DNER: variants seen among roughly 807,000 people sequenced by gnomAD.
DNER encodes the protein delta/notch like EGF repeat containing.
DNER carries 33 observed loss-of-function variants against 78.2 expected under a neutral mutation model. The ratio of observed to expected loss-of-function variants is 0.42; its 90% CI spans 0.32 to 0.56. The LOEUF (loss-of-function observed/expected upper bound fraction) is 0.56, where lower values mean the gene tolerates loss of function less well. DNER is among the 20% of genes least tolerant of loss of function. DNER has a pLI of 0.11. For missense variants in DNER, 918 were observed against 975.3 expected, an observed-to-expected ratio of 0.94 and a Z score of 0.78; for synonymous variants, 417 against 384.8, an observed-to-expected ratio of 1.08 and a Z score of -0.98.
chr2:229,656,366 G>A (rs1486178177), intron 1 of DNER, among the ~76,000 whole-genome samples: 2 of 152,088 alleles, frequency 1.3e-5, no homozygotes, highest in African/African-American at 4.8e-5. Context: ...CTCTAAAAAG[G>A]TGAGCAGCAA....
At chr2:229,650,525 C>G (rs1402848497) in intron 1 of DNER, among the ~76,000 whole-genome samples, 1 of 152,194 alleles carries the variant, frequency 6.6e-6, no homozygotes, top group Non-Finnish European at 1.5e-5. Context: ...CTTGAGAGAA[C>G]ACCGGACTTC....
At chr2:229,605,720 T>G (rs1032463241) in intron 1 of DNER, among the ~76,000 whole-genome samples, 1 of 94,954 alleles carries the variant, frequency 1.1e-5, no homozygotes, top group Non-Finnish European at 2.3e-5. Context: ...AAACCCCATC[T>G]CTACAAAAAA....
intron 5 of DNER, among the ~76,000 whole-genome samples, chr2:229,521,355 G>A (rs901427205): frequency 3.0e-4 from 45 of 152,184 alleles, no homozygotes; most frequent in Non-Finnish European, 6.0e-4. Context: ...AGCGAGAACT[G>A]ACCATCACCC....
At chr2:229,647,948 T>C (rs1190947501) in intron 1 of DNER, among the ~76,000 whole-genome samples, 1 of 152,230 alleles carries the variant, frequency 6.6e-6, no homozygotes, top group East Asian at 1.9e-4. Flanking sequence ...TTTTTATTTC[T>C]CTAAAGGTTC....
rs397868353 is a variant in DNER at position 229,707,180 on chromosome 2, A to ATT, written c.276+6966_276+6967dup. On this transcript the variant is annotated intron_variant, in intron 1 of 12. Transcript: ENST00000341772. Reference sequence around the variant, plus strand: ...AGGCATGTGCCACCACGGCTGGCTAATTTTTTTTTTTTTTTTTTTTTTTTT... The same window carrying ATT: ...AGGCATGTGCCACCACGGCTGGCTAATTTTTTTTTTTTTTTTTTTTTTTTTTT... Among the ~76,000 whole-genome samples, 231 of 94,604 alleles carry ATT rather than the reference A, an allele frequency of 2.4e-3. 8 individuals carry two copies. Among genetic ancestry groups the ATT allele is most frequent in the African/African-American group, 6.0e-3 (138 of 23,000 alleles). 62.1% of individuals were successfully genotyped at this position (94,604 alleles called of 152,430 possible). A position where few individuals can be genotyped will look rare whatever the true frequency, so the allele number is the denominator to read the frequency against.
In DNER at chr2:229,420,207, C is replaced by G. The variant is rs139776497; in HGVS notation, c.1487-1977G>C. On this transcript the variant is annotated intron_variant, in intron 8 of 12. Transcript: ENST00000341772. ...GAGGACTGAGTGGTTGCAACAGAGA[C>G]CATATGGCCTGCAAAGCCTAAATAT... is the stretch of plus-strand genomic sequence containing the variant. Among the ~76,000 whole-genome samples the G allele has an allele frequency of 7.5e-3, 1,140 of 152,116 alleles. 5 individuals carry two copies. The highest frequency in any genetic ancestry group is 0.011 in the Non-Finnish European group (773 of 67,996).
At chr2:229,418,887 C>T (rs1328415549) in intron 8 of DNER, among the ~76,000 whole-genome samples, 1 of 150,808 alleles carries the variant, frequency 6.6e-6, no homozygotes. Flanking sequence ...TACCACTGCA[C>T]TCCAGCCTGG....
At chr2:229,677,914 C>T (rs1355678981) in intron 1 of DNER, among the ~76,000 whole-genome samples, 1 of 152,158 alleles carries the variant, frequency 6.6e-6, no homozygotes, top group Non-Finnish European at 1.5e-5. Context: ...GACTTACTCT[C>T]ATGTTCTGTC....
intron 9 of DNER, among the ~76,000 whole-genome samples, chr2:229,412,233 A>T (rs1471105037): frequency 6.6e-6 from 1 of 152,240 alleles, no homozygotes; most frequent in African/African-American, 2.4e-5. Flanking sequence ...TTGTCTGAAG[A>T]CGGGTTACAC....
intron 5 of DNER, among the ~76,000 whole-genome samples, chr2:229,521,637 C>G (rs961720530): frequency 6.6e-6 from 1 of 152,188 alleles, no homozygotes; most frequent in Admixed American, 6.5e-5. Context: ...AGAGTTTAAC[C>G]TCCTACTAAA....
In DNER at chr2:229,458,135, CAAAAAAA is replaced by C. The variant is rs61340733; in HGVS notation, c.1262-10602_1262-10596del. Among the ~76,000 whole-genome samples the C allele has an allele frequency of 1.5e-3, 27 of 17,716 alleles. No homozygotes were observed. The South Asian group carries it at 0.033, about 22-fold the overall frequency. The allele number at this position is 17,716 out of a possible 152,430, so 11.6% of individuals were successfully genotyped here. Reference sequence around the variant, plus strand: ...TGGGTCACAGAGCAAGACTCTATCTCAAAAAAAAAAAAAAAAAAAAAAAAAAGGAAAG... The same window carrying C: ...TGGGTCACAGAGCAAGACTCTATCTCAAAAAAAAAAAAAAAAAAAGGAAAG... On this transcript the variant is annotated intron_variant, in intron 7 of 12. Coordinates refer to ENST00000341772, the MANE Select transcript of DNER (RefSeq NM_139072.4).
At chr2:229,432,246 T>C (rs193180363) in intron 8 of DNER, among the ~76,000 whole-genome samples, 5 of 152,302 alleles carry the variant, frequency 3.3e-5, no homozygotes, top group Non-Finnish European at 5.9e-5. Context: ...GGCTGGTTTA[T>C]AATTGAGGTG....
At chr2:229,405,205 AAAC>A (rs1450341670) in intron 10 of DNER, among the ~76,000 whole-genome samples, 2 of 152,218 alleles carry the variant, frequency 1.3e-5, no homozygotes, top group Non-Finnish European at 2.9e-5. Context: ...CTACAAATTT[AAAC>A]AACACTAAAA....
intron 5 of DNER, among the ~76,000 whole-genome samples, chr2:229,523,602 C>G (rs1230983369): frequency 6.6e-6 from 1 of 152,220 alleles, no homozygotes; most frequent in East Asian, 1.9e-4. Context: ...TACAGTCACA[C>G]TCTTAGTACC....
intron 8 of DNER, among the ~76,000 whole-genome samples, chr2:229,428,065 A>G (rs1373286169): frequency 7.6e-6 from 1 of 130,794 alleles, no homozygotes; most frequent in East Asian, 2.3e-4. Context: ...ACAGAGCGAG[A>G]TTCCATCTCA....
intron 8 of DNER, among the ~76,000 whole-genome samples, chr2:229,434,023 C>T (rs1455448835): frequency 6.6e-6 from 1 of 152,286 alleles, no homozygotes; most frequent in East Asian, 1.9e-4. Context: ...GAACCATGAT[C>T]TGACAAAGTT....
At chr2:229,579,418 A>G (rs1697354331) in intron 4 of DNER, among the ~76,000 whole-genome samples, 1 of 152,202 alleles carries the variant, frequency 6.6e-6, no homozygotes, top group Non-Finnish European at 1.5e-5. Context: ...CTACCTACAA[A>G]TATAAATAAA....
At chr2:229,406,370 A>C (rs986786457) in intron 10 of DNER, among the ~76,000 whole-genome samples, 1 of 152,084 alleles carries the variant, frequency 6.6e-6, no homozygotes, top group African/African-American at 2.4e-5. Context: ...AAAACTCTAA[A>C]AACATAGACT....
intron 8 of DNER, among the ~76,000 whole-genome samples, chr2:229,444,440 G>A (rs542035701): frequency 2.0e-5 from 3 of 152,084 alleles, no homozygotes; most frequent in African/African-American, 4.8e-5. Flanking sequence ...TACCACTCTC[G>A]GCTGCCTCTC....
Sources: allele counts gnomAD v4.1 joint callset (sites outside exome capture counted in the v4.1 genomes callset), GRCh38; gene constraint gnomAD v4.1.1; transcripts MANE v1.5; gene names NCBI Gene and HGNC (gene_info 2026-07-23, HGNC 2026-07-21).